The following ZFP92 variants were observed in gnomAD, a reference collection of about 807,000 sequenced individuals.
The protein encoded by ZFP92 is zinc finger protein 92 homolog.
ZFP92 carries 2 observed loss-of-function variants against 7.6 expected under a neutral mutation model. The observed-to-expected ratio is 0.26, with a 90% confidence interval of 0.11 to 0.83. The LOEUF is 0.83. ZFP92 is among the 40% of genes least tolerant of loss of function. ZFP92 has a pLI of 0.65. For missense variants in ZFP92, 324 were observed against 408.3 expected, an observed-to-expected ratio of 0.79 and a Z score of 1.78; for synonymous variants, 226 against 183.6, an observed-to-expected ratio of 1.23 and a Z score of -1.87.
intron 2 of ZFP92, among the ~76,000 whole-genome samples, chrX:153,414,125 A>G (rs1295074981): frequency 8.9e-6 from 1 of 112,380 alleles, no homozygotes; most frequent in Non-Finnish European, 1.9e-5. Flanking sequence ...TGGTAAGGAA[A>G]AAAATGAGCT....
At position 153,421,635 on chromosome X, in the gene ZFP92, G is replaced by A. The variant is rs2089005959; in HGVS notation, c.*7G>A. 5.2e-6 allele frequency: 5 copies of A among 963,786 alleles called. No homozygotes were observed. Among genetic ancestry groups the A allele is most frequent in the East Asian group, 4.8e-5 (1 of 20,895 alleles). The allele number at this position is 963,786 out of a possible 1,213,427, so 79.4% of individuals were successfully genotyped here. A position where few individuals can be genotyped will look rare whatever the true frequency, so the allele number is the denominator to read the frequency against. ...CAGGCCCAGCCGCCGCTGACTCCCC[G>A]CCAGCGCACCCAGGGCGCGGCCGGT... On this transcript the variant is annotated 3_prime_UTR_variant, in exon 6 of 6. Transcript: ENST00000338647.
chrX:153,416,977 C>T (rs1265472128), intron 2 of ZFP92, among the ~76,000 whole-genome samples: 3 of 111,415 alleles, frequency 2.7e-5, no homozygotes, highest in African/African-American at 9.8e-5. Flanking sequence ...AGCAAGGACT[C>T]ACTCACCCCT....
intron 2 of ZFP92, among the ~76,000 whole-genome samples, 58 bp downstream of exon 2, chrX:153,412,071 G>A (rs1341154145): frequency 8.8e-6 from 1 of 113,027 alleles, no homozygotes; most frequent in East Asian, 2.8e-4. Flanking sequence ...GGCATTGTGA[G>A]GTTGTGGCAC....
Position 153,420,782 on chromosome X carries a change from G to A in ZFP92, c.405G>A (p.Gly135=). The change falls in exon 6 of 6, where the codon GGG becomes GGA. Residue 135 remains glycine, a synonymous_variant. Transcript: ENST00000338647. ...TCCAGAGAGGTGCCCAGGGCTTGGG[G>A]CAGAGTTCGGCTGCGGGGCCGCAGG... ...SVLQRGAQGL[G]QSSAAGPQGP... 2 of 1,168,369 alleles carry A rather than the reference G, an allele frequency of 1.7e-6. No individual in the cohort carries two copies. The highest frequency in any genetic ancestry group is 2.3e-6 in the Non-Finnish European group (2 of 873,061).
chrX:153,413,452 G>A (rs782763131), intron 2 of ZFP92, among the ~76,000 whole-genome samples: 26 of 108,149 alleles, frequency 2.4e-4, no homozygotes, highest in South Asian at 4.2e-4. Context: ...CAGGGGTCCC[G>A]GGTCCGAGGC....
At position 153,420,811 on chromosome X, in the gene ZFP92, C is replaced by T. The variant is rs782435687; in HGVS notation, c.434C>T (p.Pro145Leu). 8.6e-7 allele frequency: 1 copy of T among 1,169,190 alleles called. No homozygotes were observed. The highest frequency in any genetic ancestry group is 3.2e-5 in the East Asian group (1 of 30,808). ...GQSSAAGPQG[P>L]KGAEKRYLCQ... is the part of the protein sequence containing the mutation. ...AGTTCGGCTGCGGGGCCGCAGGGCCCCAAAGGCGCGGAGAAGCGGTACCTG... is the reference window on the plus strand; with the variant it reads ...AGTTCGGCTGCGGGGCCGCAGGGCCTCAAAGGCGCGGAGAAGCGGTACCTG... Residue 145 changes from proline (P) to leucine (L), a missense_variant, in exon 6 of 6, where the codon CCC becomes CTC. Physicochemically the swap from Pro to Leu is moderately conservative, Grantham distance 98. Coordinates refer to ENST00000338647, the MANE Select transcript of ZFP92 (RefSeq NM_001136273.2).
rs1277345910 is a variant in ZFP92 at position 153,421,689 on chromosome X, G to A, written c.*61G>A. 6 of 921,889 alleles carry A rather than the reference G, an allele frequency of 6.5e-6. No homozygotes were observed. Among genetic ancestry groups the A allele is most frequent in the Non-Finnish European group, 6.7e-6 (5 of 746,098 alleles). The allele number at this position is 921,889 out of a possible 1,213,427, so 76.0% of individuals were successfully genotyped here. On this transcript the variant is annotated 3_prime_UTR_variant, in exon 6 of 6. Transcript: ENST00000338647. ...CGTGGGGGGCCTTCCTGGGGACGTC[G>A]AGGCTCAGCCCCCTTCAGGTGGGAA...
chrX:153,418,042 G>A (rs911312901), intron 2 of ZFP92, among the ~76,000 whole-genome samples: 16 of 112,005 alleles, frequency 1.4e-4, no homozygotes, highest in Non-Finnish European at 1.9e-4. Flanking sequence ...CCTGGATCTC[G>A]GACTTCTGGC....
intron 2 of ZFP92, among the ~76,000 whole-genome samples, chrX:153,413,556 G>C (rs2088926524): frequency 9.1e-6 from 1 of 110,079 alleles, no homozygotes; most frequent in African/African-American, 3.3e-5. Flanking sequence ...GAGGCGCCAA[G>C]GTCTGGTGGA....
chrX:153,420,815 A>G lies in ZFP92; in HGVS notation c.438A>G (p.Lys146=). The G allele has an allele frequency of 8.5e-7, 1 of 1,170,374 alleles. No homozygotes were observed. Among genetic ancestry groups the G allele is most frequent in the Non-Finnish European group, 1.1e-6 (1 of 874,328 alleles). ...QSSAAGPQGP[K]GAEKRYLCQQ... The stretch of plus-strand genomic sequence containing the variant: ...CGGCTGCGGGGCCGCAGGGCCCCAA[A>G]GGCGCGGAGAAGCGGTACCTGTGCC... The change falls in exon 6 of 6, where the codon AAA becomes AAG. Residue 146 remains lysine (K), a synonymous_variant. Transcript: ENST00000338647.
In ZFP92 at chrX:153,421,344, C is replaced by G. The variant is rs782078762; in HGVS notation, c.967C>G (p.Arg323Gly). The G allele has an allele frequency of 6.0e-6, 7 of 1,163,220 alleles. No homozygotes were observed. Among genetic ancestry groups the G allele is most frequent in the Middle Eastern group, 2.3e-4 (1 of 4,309 alleles). ...SHSGERPFACRECGKAFRGRS... is the reference protein window; with the variant it reads ...SHSGERPFACGECGKAFRGRS... Reference sequence around the variant, plus strand: ...CAGCGGCGAGCGGCCCTTCGCGTGCCGCGAGTGCGGCAAGGCCTTCCGTGG... The same window carrying G: ...CAGCGGCGAGCGGCCCTTCGCGTGCGGCGAGTGCGGCAAGGCCTTCCGTGG... The change falls in exon 6 of 6, where the codon CGC (arginine) becomes GGC (glycine). Residue 323 changes from arginine (R) to glycine (G), a missense_variant. Arg to Gly is a moderately radical substitution (Grantham distance 125). Coordinates refer to ENST00000338647, the MANE Select transcript of ZFP92 (RefSeq NM_001136273.2).
chrX:153,420,945 C>A lies in ZFP92; in HGVS notation c.568C>A (p.Arg190Ser), dbSNP rs782785901. Residue 190 changes from arginine to serine, a missense_variant, in exon 6 of 6, where the codon CGC becomes AGC. Coordinates refer to ENST00000338647, the MANE Select transcript of ZFP92 (RefSeq NM_001136273.2). ...GTGCCCCGAGTGCGGCAAGCTGTTT[C>A]GCCGCAGCTTCGCGCTCCTGGAGCA... ...YACPECGKLFRRSFALLEHQR... is the reference protein window; with the variant it reads ...YACPECGKLFSRSFALLEHQR... 2.0e-5 allele frequency: 24 copies of A among 1,187,748 alleles called. No individual in the cohort carries two copies. The highest frequency in any genetic ancestry group is 2.6e-5 in the Non-Finnish European group (23 of 884,483).
chrX:153,415,985 C>T (rs1473992335), intron 2 of ZFP92, among the ~76,000 whole-genome samples: 1 of 111,150 alleles, frequency 9.0e-6, no homozygotes, highest in Non-Finnish European at 1.9e-5. Context: ...ACCCCTCTTG[C>T]AGTTGGGTGT....
rs1328822814 is a variant in ZFP92, at chrX:153,423,487, C to A, written c.*1859C>A. 9.0e-6 allele frequency: 1 copy of A among 111,187 alleles called. No homozygotes were observed. Among genetic ancestry groups the A allele is most frequent in the Non-Finnish European group, 1.9e-5 (1 of 53,035 alleles). 9.2% of individuals were successfully genotyped at this position (111,187 alleles called of 1,213,427 possible). On this transcript the variant is annotated 3_prime_UTR_variant, in exon 6 of 6. Coordinates refer to ENST00000338647, the MANE Select transcript of ZFP92 (RefSeq NM_001136273.2). ...GAGTTCTTGTAAGTTGCACTTATAC[C>A]GTAGCCTCCTTCAGTGTGTCCCTAT... is the stretch of plus-strand genomic sequence containing the variant.
At chrX:153,414,999 G>A (rs1035225130) in intron 2 of ZFP92, among the ~76,000 whole-genome samples, 20 of 113,685 alleles carry the variant, frequency 1.8e-4, no homozygotes, top group Admixed American at 6.4e-4. Flanking sequence ...CCGGGAAACA[G>A]CAGCTGGGGC....
rs1291066777 is a variant in ZFP92 at position 153,425,786 on chromosome X, T to C, written c.*4158T>C. On this transcript the variant is annotated 3_prime_UTR_variant, in exon 6 of 6. Transcript: ENST00000338647. ...GCCAGCCCCAGTGCATCTATCACTG[T>C]CTTCACAAAACGGGGGTCCTCCAGG... The C allele has an allele frequency of 9.0e-6, 1 of 111,413 alleles. No individual in the cohort carries two copies. Among genetic ancestry groups the C allele is most frequent in the Non-Finnish European group, 1.9e-5 (1 of 53,028 alleles). The allele number at this position is 111,413 out of a possible 1,213,427, so 9.2% of individuals were successfully genotyped here.
chrX:153,416,767 G>T (rs186984015), intron 2 of ZFP92, among the ~76,000 whole-genome samples: 2 of 111,817 alleles, frequency 1.8e-5, no homozygotes, highest in African/African-American at 6.5e-5. Context: ...AAAGAGAAAA[G>T]GTTGCTTTAG....
rs1569529744 is a variant in ZFP92 at position 153,422,859 on chromosome X, C to CT, written c.*1231_*1232insT. On this transcript the variant is annotated 3_prime_UTR_variant, in exon 6 of 6. Coordinates refer to ENST00000338647, the MANE Select transcript of ZFP92 (RefSeq NM_001136273.2). ...AGGGATTCACTCCCTAAATAAGAGT[C>CT]CCCCCAGCCCTCTGAGAAGACCTCA... The CT allele has an allele frequency of 3.0e-4, 34 of 112,401 alleles. No homozygotes were observed. The highest frequency in any genetic ancestry group is 1.1e-3 in the African/African-American group (34 of 30,907). The allele number at this position is 112,401 out of a possible 1,213,427, so 9.3% of individuals were successfully genotyped here. A position where few individuals can be genotyped will look rare whatever the true frequency, so the allele number is the denominator to read the frequency against.
At position 153,418,058 on chromosome X, in the gene ZFP92, G is replaced by C. The variant is rs782738502; in HGVS notation, c.-18-247G>C. On this transcript the variant is annotated intron_variant, in intron 2 of 5. Coordinates refer to ENST00000338647, the MANE Select transcript of ZFP92 (RefSeq NM_001136273.2). The stretch of plus-strand genomic sequence containing the variant: ...CTGGATCTCGGACTTCTGGCCTCCA[G>C]AACCGGGAGAGAAAAATGTGTCTTG... Among the ~76,000 whole-genome samples, 20 of 112,133 alleles carry C rather than the reference G, an allele frequency of 1.8e-4. No homozygotes were observed. In the East Asian group the frequency reaches 5.4e-3, roughly 30 times the overall value.
Sources: allele counts gnomAD v4.1 joint callset (sites outside exome capture counted in the v4.1 genomes callset), GRCh38; gene constraint gnomAD v4.1.1; transcripts MANE v1.5; gene names NCBI Gene and HGNC (gene_info 2026-07-23, HGNC 2026-07-21).